SULT1B1: variants seen among roughly 807,000 people sequenced by gnomAD.
SULT1B1 encodes the protein sulfotransferase 1B1.
Under a neutral mutation model 34.6 loss-of-function variants are expected in SULT1B1, and 28 were observed. The ratio of observed to expected loss-of-function variants is 0.81; its 90% CI spans 0.60 to 1.11. The LOEUF (loss-of-function observed/expected upper bound fraction) is 1.11, where lower values mean the gene tolerates loss of function less well. Ranked by LOEUF, SULT1B1 falls within the 50% of genes least tolerant of loss-of-function variation. The pLI is 0.00. For missense variants in SULT1B1, 374 were observed against 352.2 expected, an observed-to-expected ratio of 1.06 and a Z score of -0.50; for synonymous variants, 147 against 110.2, an observed-to-expected ratio of 1.33 and a Z score of -2.09.
intron 4 of SULT1B1, among the ~76,000 whole-genome samples, chr4:69,744,115 C>T (rs971426484): frequency 6.6e-6 from 1 of 152,170 alleles, no homozygotes; most frequent in Non-Finnish European, 1.5e-5. Flanking sequence ...CCAGCTCTGC[C>T]TTGGAACCCC....
At chr4:69,735,802 G>A (rs1018105899) in intron 4 of SULT1B1, among the ~76,000 whole-genome samples, 3 of 152,174 alleles carry the variant, frequency 2.0e-5, no homozygotes, top group African/African-American at 7.2e-5. Context: ...TTGTCTTGGA[G>A]GGTGGACCAA....
chr4:69,741,055 A>T (rs1159766659), intron 4 of SULT1B1, among the ~76,000 whole-genome samples: 2 of 152,078 alleles, frequency 1.3e-5, no homozygotes, highest in Non-Finnish European at 2.9e-5. Flanking sequence ...TCTTCAGTTA[A>T]TTTTTTGTAT....
intron 4 of SULT1B1, among the ~76,000 whole-genome samples, chr4:69,744,744 C>T (rs1208504976): frequency 6.6e-6 from 1 of 151,982 alleles, no homozygotes; most frequent in Admixed American, 6.6e-5. Flanking sequence ...CTCTGATTTT[C>T]GTTATTTCTT....
chr4:69,752,994 C>T (rs1348671208), intron 3 of SULT1B1, among the ~76,000 whole-genome samples: 2 of 152,180 alleles, frequency 1.3e-5, no homozygotes, highest in East Asian at 3.9e-4. Flanking sequence ...ATGTTTTTCA[C>T]AGCTCATTGC....
chr4:69,733,292 G>T (rs1718155295), intron 6 of SULT1B1, 121 bp downstream of exon 6: 6 of 577,404 alleles, frequency 1.0e-5, no homozygotes, highest in Non-Finnish European at 1.8e-5. Flanking sequence ...AAAAACACAT[G>T]GTGGATAGGC....
At chr4:69,751,757 T>G (rs1033406544) in intron 3 of SULT1B1, among the ~76,000 whole-genome samples, 1 of 152,050 alleles carries the variant, frequency 6.6e-6, no homozygotes, top group Non-Finnish European at 1.5e-5. Flanking sequence ...CGGCCTAGAG[T>G]AGATTTAAAT....
At chr4:69,749,025 G>A (rs1200586565) in intron 4 of SULT1B1, among the ~76,000 whole-genome samples, 1 of 151,886 alleles carries the variant, frequency 6.6e-6, no homozygotes, top group African/African-American at 2.4e-5. Context: ...AGAAATCTAT[G>A]ATACTAAAAA....
Position 69,722,583 on chromosome 4 carries a change from C to T in SULT1B1, c.*4505G>A, listed in dbSNP as rs1717689985. On this transcript the variant is annotated 3_prime_UTR_variant, in exon 8 of 8. Transcript: ENST00000310613. ...GGAACATAAACACAAATTATATACT[C>T]TAAAATACTTTATAAAACATATTGT... 1 of 152,042 alleles carries T rather than the reference C, an allele frequency of 6.6e-6. No individual in the cohort carries two copies. The highest frequency in any genetic ancestry group is 1.5e-5 in the Non-Finnish European group (1 of 68,010). The allele number at this position is 152,042 out of a possible 1,614,324, so 9.4% of individuals were successfully genotyped here. A position where few individuals can be genotyped will look rare whatever the true frequency, so the allele number is the denominator to read the frequency against.
At position 69,724,407 on chromosome 4, in the gene SULT1B1, G is replaced by T. The variant is rs1414227901; in HGVS notation, c.*2681C>A. Reference sequence around the variant, plus strand: ...AAATAGAAGAACATTCCATGCTCATGGATAGGAAGAATCAATATCATGAAA... The same window carrying T: ...AAATAGAAGAACATTCCATGCTCATTGATAGGAAGAATCAATATCATGAAA... On this transcript the variant is annotated 3_prime_UTR_variant, in exon 8 of 8. Coordinates refer to ENST00000310613, the MANE Select transcript of SULT1B1 (RefSeq NM_014465.4). The T allele has an allele frequency of 2.6e-5, 4 of 152,192 alleles. No homozygotes were observed. Among genetic ancestry groups the T allele is most frequent in the African/African-American group, 9.7e-5 (4 of 41,434 alleles). The allele number at this position is 152,192 out of a possible 1,614,324, so 9.4% of individuals were successfully genotyped here.
At chr4:69,752,257 A>G (rs1467499669) in intron 3 of SULT1B1, among the ~76,000 whole-genome samples, 3 of 152,182 alleles carry the variant, frequency 2.0e-5, no homozygotes, top group Non-Finnish European at 4.4e-5. Context: ...TTGTTTAGAG[A>G]CAGAGTCTTG....
Position 69,733,448 on chromosome 4 carries a change from G to T in SULT1B1, c.562C>A (p.Pro188Thr). 1 of 1,607,066 alleles carries T rather than the reference G, an allele frequency of 6.2e-7. No individual in the cohort carries two copies. The highest frequency in any genetic ancestry group is 8.5e-7 in the Non-Finnish European group (1 of 1,177,300). ...KNWWKKKEEHPILFLYYEDMK... is the reference protein window; with the variant it reads ...KNWWKKKEEHTILFLYYEDMK... ...TCTTCATAGTACAAAAAAAGTATTGGGTGTTCTTCCTTTTTCTTCCACCAG... is the reference window on the plus strand; with the variant it reads ...TCTTCATAGTACAAAAAAAGTATTGTGTGTTCTTCCTTTTTCTTCCACCAG... Residue 188 changes from proline to threonine, a missense_variant, in exon 6 of 8, where the codon CCA becomes ACA. Coordinates refer to ENST00000310613, the MANE Select transcript of SULT1B1 (RefSeq NM_014465.4).
At chr4:69,743,438 G>C (rs1350143441) in intron 4 of SULT1B1, among the ~76,000 whole-genome samples, 1 of 152,086 alleles carries the variant, frequency 6.6e-6, no homozygotes, top group African/African-American at 2.4e-5. Flanking sequence ...GGCAGCCATG[G>C]GTGGGCCCAG....
chr4:69,747,963 G>A (rs1170928368), intron 4 of SULT1B1, among the ~76,000 whole-genome samples: 1 of 151,956 alleles, frequency 6.6e-6, no homozygotes, highest in Admixed American at 6.6e-5. Flanking sequence ...ATGCCAGCCT[G>A]CTTGATATTC....
Position 69,726,230 on chromosome 4 carries a change from A to C in SULT1B1, c.*858T>G, listed in dbSNP as rs912324535. On this transcript the variant is annotated 3_prime_UTR_variant, in exon 8 of 8. Coordinates refer to ENST00000310613, the MANE Select transcript of SULT1B1 (RefSeq NM_014465.4). ...CACCAGATTGGGAAATATTTTGCAG[A>C]GGTTATGATCATGTCTAGGATATTA... The C allele has an allele frequency of 3.8e-4, 57 of 151,160 alleles. No individual in the cohort carries two copies. Among genetic ancestry groups the C allele is most frequent in the African/African-American group, 1.4e-3 (56 of 41,244 alleles). The allele number at this position is 151,160 out of a possible 1,614,324, so 9.4% of individuals were successfully genotyped here.
chr4:69,728,655 C>A (rs201727058), intron 7 of SULT1B1, among the ~76,000 whole-genome samples: 9 of 55,416 alleles, frequency 1.6e-4, no homozygotes, highest in South Asian at 1.1e-3. Flanking sequence ...GAAGGAAGAA[C>A]GGAAGAATGG....
At chr4:69,731,081 C>A (rs1718064331) in intron 6 of SULT1B1, among the ~76,000 whole-genome samples, 1 of 152,076 alleles carries the variant, frequency 6.6e-6, no homozygotes, top group African/African-American at 2.4e-5. Context: ...TTTGGCTAAT[C>A]CTAAAATATT....
intron 3 of SULT1B1, among the ~76,000 whole-genome samples, chr4:69,752,686 A>G (rs1268679244): frequency 1.3e-5 from 2 of 152,270 alleles, no homozygotes; most frequent in African/African-American, 4.8e-5. Flanking sequence ...AAGGACTGAC[A>G]TCTTGCCAGT....
intron 6 of SULT1B1, among the ~76,000 whole-genome samples, chr4:69,731,313 C>T (rs529414710): frequency 1.6e-4 from 24 of 152,286 alleles, no homozygotes; most frequent in African/African-American, 5.3e-4. Context: ...TTGCACACTC[C>T]TTATGAGAAT....
At chr4:69,744,362 G>A (rs1454057094) in intron 4 of SULT1B1, among the ~76,000 whole-genome samples, 2 of 152,160 alleles carry the variant, frequency 1.3e-5, no homozygotes, top group Non-Finnish European at 2.9e-5. Flanking sequence ...CCTGGAAGTG[G>A]GTCCTGCCCG....
Sources: gnomAD v4.1 joint callset for allele counts (sites outside exome capture counted in the v4.1 genomes callset) on GRCh38, gnomAD v4.1.1 for gene constraint, MANE v1.5 for transcripts, NCBI Gene and HGNC (gene_info 2026-07-23, HGNC 2026-07-21) for gene names.